Variants in ADK observed in about 807,000 individuals in gnomAD.
The protein encoded by ADK is adenosine kinase.
Under a neutral mutation model 44.7 loss-of-function variants are expected in ADK, and 24 were observed. The observed-to-expected ratio is 0.54, with a 90% CI of 0.39 to 0.76. The LOEUF is 0.76. Among genes scored for constraint, ADK ranks in the 30% least tolerant of loss-of-function variants. The pLI is 0.00. For missense variants in ADK, 321 were observed against 425.1 expected (o/e 0.76, Z 2.15); for synonymous variants, 128 against 142.6 (o/e 0.90, Z 0.73).
intron 9 of ADK, among the ~76,000 whole-genome samples, chr10:74,658,452 T>C (rs1385289991): frequency 1.3e-5 from 2 of 152,076 alleles, no homozygotes; most frequent in Non-Finnish European, 2.9e-5. Context: ...CTGTTTTTGA[T>C]GTAGGATCTC....
At chr10:74,193,078 C>G (rs2132123983) in intron 1 of ADK, among the ~76,000 whole-genome samples, 1 of 152,030 alleles carries the variant, frequency 6.6e-6, no homozygotes, top group South Asian at 2.1e-4. Context: ...GTATTGTTAC[C>G]TTTAGCATTT....
intron 6 of ADK, among the ~76,000 whole-genome samples, chr10:74,479,596 A>G (rs1023124955): frequency 6.6e-6 from 1 of 151,764 alleles, no homozygotes; most frequent in African/African-American, 2.4e-5. Flanking sequence ...CTAAATATAT[A>G]TGTATACTGT....
At chr10:74,667,117 C>T (rs919536468) in intron 9 of ADK, among the ~76,000 whole-genome samples, 2 of 152,108 alleles carry the variant, frequency 1.3e-5, no homozygotes, top group African/African-American at 4.8e-5. Flanking sequence ...AGGCATGAGC[C>T]ACTGTGCCCG....
At chr10:74,463,811 C>T (rs1304501805) in intron 6 of ADK, among the ~76,000 whole-genome samples, 2 of 151,862 alleles carry the variant, frequency 1.3e-5, no homozygotes, top group Non-Finnish European at 2.9e-5. Context: ...CTTTTTTTTA[C>T]GTCTTTCTAA....
intron 6 of ADK, among the ~76,000 whole-genome samples, chr10:74,481,812 G>T (rs1847084733): frequency 6.6e-6 from 1 of 152,096 alleles, no homozygotes. Context: ...TAAGGAAGGG[G>T]TTACACATGT....
intron 7 of ADK, among the ~76,000 whole-genome samples, chr10:74,535,522 T>C (rs942695164): frequency 6.6e-6 from 1 of 151,822 alleles, no homozygotes; most frequent in African/African-American, 2.4e-5. Context: ...CTAGATGTGG[T>C]TCTACAAGAA....
intron 3 of ADK, among the ~76,000 whole-genome samples, chr10:74,248,014 G>C (rs1275496182): frequency 6.6e-6 from 1 of 152,136 alleles, no homozygotes; most frequent in Non-Finnish European, 1.5e-5. Flanking sequence ...GCCTCATGGT[G>C]GGGGTGGTAG....
intron 4 of ADK, among the ~76,000 whole-genome samples, chr10:74,355,479 C>T (rs1842103784): frequency 1.3e-5 from 2 of 152,098 alleles, no homozygotes; most frequent in Non-Finnish European, 2.9e-5. Context: ...AACTTTATTT[C>T]GTTATAAGCC....
At chr10:74,371,662 G>A (rs549752674) in intron 4 of ADK, 20 of 1,032,608 alleles carry the variant, frequency 1.9e-5, no homozygotes, top group South Asian at 1.1e-4. Context: ...ATAAGGAAAA[G>A]TGATGGCATC....
chr10:74,252,781 A>G (rs1283104495), intron 3 of ADK, among the ~76,000 whole-genome samples: 1 of 152,210 alleles, frequency 6.6e-6, no homozygotes, highest in East Asian at 1.9e-4. Context: ...GCAATGTGTT[A>G]ACATAATATT....
chr10:74,601,405 T>C (rs1000276544), intron 9 of ADK, among the ~76,000 whole-genome samples: 2 of 152,148 alleles, frequency 1.3e-5, no homozygotes, highest in Admixed American at 6.5e-5. Flanking sequence ...AATTTTATTC[T>C]TTATATTTGA....
intron 8 of ADK, among the ~76,000 whole-genome samples, chr10:74,590,810 G>T (rs140308643): frequency 1.2e-4 from 19 of 152,108 alleles, no homozygotes; most frequent in African/African-American, 4.3e-4. Flanking sequence ...CAAATGTTTT[G>T]ATCATGAGAA....
intron 6 of ADK, among the ~76,000 whole-genome samples, chr10:74,476,789 G>C (rs147675920): frequency 1.6e-3 from 241 of 152,136 alleles, no homozygotes; most frequent in African/African-American, 5.4e-3. Flanking sequence ...GCTCCTTTAC[G>C]GTAGTTGGTC....
intron 6 of ADK, among the ~76,000 whole-genome samples, chr10:74,468,819 C>G (rs1361694516): frequency 6.6e-6 from 1 of 152,026 alleles, no homozygotes; most frequent in African/African-American, 2.4e-5. Flanking sequence ...AATAGTAACC[C>G]CTTAGTATCT....
chr10:74,420,263 G>C (rs966969573), intron 6 of ADK, among the ~76,000 whole-genome samples: 6 of 152,088 alleles, frequency 3.9e-5, no homozygotes, highest in African/African-American at 1.4e-4. Flanking sequence ...GGGTCAGGAA[G>C]GGGAAAGAGG....
chr10:74,390,546 A>G (rs1221857496), intron 4 of ADK, among the ~76,000 whole-genome samples: 1 of 152,172 alleles, frequency 6.6e-6, no homozygotes, highest in African/African-American at 2.4e-5. Flanking sequence ...TATTTTCCTC[A>G]GAACCATTCT....
At chr10:74,172,140 T>C (rs1422478817) in intron 1 of ADK, among the ~76,000 whole-genome samples, 2 of 135,396 alleles carry the variant, frequency 1.5e-5, no homozygotes, top group African/African-American at 3.0e-5. Flanking sequence ...GGATTTTCTT[T>C]TTTTTTTTTT....
At chr10:74,560,657 A>G (rs1850426702) in intron 7 of ADK, among the ~76,000 whole-genome samples, 1 of 152,224 alleles carries the variant, frequency 6.6e-6, no homozygotes, top group African/African-American at 2.4e-5. Context: ...ATTTATAAAT[A>G]TTAGTTTTGT....
intron 3 of ADK, among the ~76,000 whole-genome samples, chr10:74,271,051 A>G (rs962168106): frequency 6.6e-6 from 1 of 152,206 alleles, no homozygotes; most frequent in Non-Finnish European, 1.5e-5. Context: ...GTAGTCTTCT[A>G]TTTGGCAGGA....
Sources: gnomAD v4.1 joint callset for allele counts (sites outside exome capture counted in the v4.1 genomes callset) on GRCh38, gnomAD v4.1.1 for gene constraint, MANE v1.5 for transcripts, NCBI Gene and HGNC (gene_info 2026-07-23, HGNC 2026-07-21) for gene names.